Variants in RAET1E observed in about 807,000 individuals in gnomAD.
RAET1E encodes retinoic acid early transcript 1E.
In RAET1E, 27 loss-of-function variants were observed where a neutral mutation model predicts 21.1. The ratio of observed to expected loss-of-function variants is 1.28; its 90% CI spans 0.94 to 1.76. The LOEUF is 1.76. Ranked by LOEUF, RAET1E falls within the 40% of genes most tolerant of loss-of-function variation. The pLI, the probability that RAET1E is intolerant of heterozygous loss-of-function variation, is 0.00. For missense variants in RAET1E, 310 were observed against 311.3 expected (o/e 1.00, Z 0.03); for synonymous variants, 113 against 115.0 (o/e 0.98, Z 0.11).
intron 3 of RAET1E, 91 bp downstream of exon 3, chr6:149,890,726 G>A: frequency 1.2e-6 from 1 of 853,678 alleles, no homozygotes; most frequent in South Asian, 1.4e-5. Context: ...GCACCCACTT[G>A]TCTGAAGCCT....
chr6:149,894,670 T>G (rs1778043650), intron 2 of RAET1E, among the ~76,000 whole-genome samples: 1 of 152,162 alleles, frequency 6.6e-6, no homozygotes, highest in Non-Finnish European at 1.5e-5. Context: ...AATTAGCAAT[T>G]CGACTAACCT....
chr6:149,891,090 A>C (rs1458314198), intron 2 of RAET1E, 56 bp from the exon 3 acceptor site: 11 of 528,710 alleles, frequency 2.1e-5, no homozygotes, highest in Non-Finnish European at 3.7e-5. Context: ...CCAAGTATTC[A>C]GAATATAATC....
chr6:149,893,198 C>A (rs1319257462), intron 2 of RAET1E, among the ~76,000 whole-genome samples: 4 of 152,144 alleles, frequency 2.6e-5, no homozygotes, highest in Non-Finnish European at 5.9e-5. Context: ...CTTTTTGGTT[C>A]CATATGAAGT....
rs1777671689 is a variant in RAET1E, at chr6:149,887,793, A to C, written c.*705T>G. Reference sequence around the variant, plus strand: ...AGGTCTGCCTGGGTCAATTTAGAGAAGACACTATGAGGACAAAGACAGCAA... The same window carrying C: ...AGGTCTGCCTGGGTCAATTTAGAGACGACACTATGAGGACAAAGACAGCAA... On this transcript the variant is annotated 3_prime_UTR_variant, in exon 6 of 6. Coordinates refer to ENST00000357183, the MANE Select transcript of RAET1E (RefSeq NM_001394057.1). Among the ~76,000 whole-genome samples the C allele has an allele frequency of 6.6e-6, 1 of 152,202 alleles. No individual in the cohort carries two copies. Among genetic ancestry groups the C allele is most frequent in the African/African-American group, 2.4e-5 (1 of 41,442 alleles).
In RAET1E at chr6:149,889,935, C is replaced by T. The variant is rs61747261; in HGVS notation, c.296G>A (p.Arg99Gln). The change falls in exon 4 of 6, where the codon CGA (arginine) becomes CAA (glutamine). Residue 99 changes from arginine (R) to glutamine (Q), a missense_variant. Coordinates refer to ENST00000357183, the MANE Select transcript of RAET1E (RefSeq NM_001394057.1). ...ELTQTLGEVGRDLRMLLCDIK... is the reference protein window; with the variant it reads ...ELTQTLGEVGQDLRMLLCDIK... ...GTCACAAAGGAGCATCCTGAGGTCT[C>T]GCCCCACTTCTCCCAGCGTTTGGGT... 26,878 of 1,613,824 alleles carry T rather than the reference C, an allele frequency of 0.017. 360 individuals are homozygous for T. The highest frequency in any genetic ancestry group is 0.054 in the Admixed American group (3,235 of 60,002).
chr6:149,890,277 C>A (rs1385699026), intron 3 of RAET1E, 132 bp from the exon 4 acceptor site: 18 of 891,390 alleles, frequency 2.0e-5, no homozygotes, highest in Non-Finnish European at 2.9e-5. Flanking sequence ...CAGACTCCCT[C>A]AACCTTCTGG....
Position 149,890,020 on chromosome 6 carries a change from C to A in RAET1E, c.211G>T (p.Val71Phe). The change falls in exon 4 of 6, where the codon GTC (valine) becomes TTC (phenylalanine). Residue 71 changes from valine (V) to phenylalanine (F), a missense_variant. By Grantham distance (50) the Val-to-Phe change is conservative (BLOSUM62 -1). Transcript: ENST00000357183. ...FLQYNSDNNM[V>F]KPLGLLGKKV... Reference sequence around the variant, plus strand: ...TTCCCCAGGAGGCCCAGAGGTTTGACCATGTTGTTGTCACTGTTGTACTGA... The same window carrying A: ...TTCCCCAGGAGGCCCAGAGGTTTGAACATGTTGTTGTCACTGTTGTACTGA... The A allele has an allele frequency of 6.2e-7, 1 of 1,614,114 alleles. No individual in the cohort carries two copies. Among genetic ancestry groups the A allele is most frequent in the Non-Finnish European group, 8.5e-7 (1 of 1,180,028 alleles).
chr6:149,897,752 G>A (rs1778172808), intron 1 of RAET1E, among the ~76,000 whole-genome samples: 1 of 152,070 alleles, frequency 6.6e-6, no homozygotes, highest in Admixed American at 6.5e-5. Context: ...TTGGAGAGAG[G>A]GGCGATTGGG....
chr6:149,897,598 G>A (rs1778165772), intron 1 of RAET1E, among the ~76,000 whole-genome samples: 1 of 152,152 alleles, frequency 6.6e-6, no homozygotes, highest in Admixed American at 6.5e-5. Flanking sequence ...TCAACACTCA[G>A]GCTAGGAATG....
Position 149,888,568 on chromosome 6 carries a change from A to G in RAET1E, c.722T>C (p.Ile241Thr), listed in dbSNP as rs185785793. 141 of 1,613,628 alleles carry G rather than the reference A, an allele frequency of 8.7e-5. 1 individual carries two copies. The East Asian group carries it at 2.7e-3, about 31-fold the overall frequency. Residue 241 changes from isoleucine to threonine, a missense_variant, in exon 6 of 6, where the codon ATT becomes ACT. By Grantham distance (89) the Ile-to-Thr change is moderately conservative. Coordinates refer to ENST00000357183, the MANE Select transcript of RAET1E (RefSeq NM_001394057.1). ...GAFILLVLMG[I>T]VLICVWWQNG... is the part of the protein sequence containing the mutation. Reference sequence around the variant, plus strand: ...TTGCCACCAGACACAGATGAGAACAATTCCCATTAAAACTAACAGGATGAA... The same window carrying G: ...TTGCCACCAGACACAGATGAGAACAGTTCCCATTAAAACTAACAGGATGAA...
chr6:149,896,663 T>TGTGC (rs1778128221), intron 1 of RAET1E, among the ~76,000 whole-genome samples: 2 of 151,946 alleles, frequency 1.3e-5, no homozygotes, highest in Admixed American at 1.3e-4. Context: ...TGTGTGTGTG[T>TGTGC]GTGCATGGGT....
intron 2 of RAET1E, among the ~76,000 whole-genome samples, chr6:149,892,560 T>A (rs1421111328): frequency 1.3e-5 from 2 of 152,230 alleles, no homozygotes; most frequent in African/African-American, 2.4e-5. Flanking sequence ...GGGTTGTTTT[T>A]TTTCTAGTAA....
intron 3 of RAET1E, 155 bp from the exon 4 acceptor site, chr6:149,890,300 A>G (rs1004345411): frequency 4.0e-6 from 3 of 741,260 alleles, no homozygotes; most frequent in Admixed American, 5.6e-5. Flanking sequence ...CCCTGTTCCC[A>G]TCTCTCCCTG....
chr6:149,888,316 C>T lies in RAET1E; in HGVS notation c.*182G>A. 2.6e-6 allele frequency: 2 copies of T among 782,192 alleles called. No homozygotes were observed. The highest frequency in any genetic ancestry group is 4.3e-6 in the Non-Finnish European group (2 of 469,372). 48.5% of individuals were successfully genotyped at this position (782,192 alleles called of 1,614,324 possible). On this transcript the variant is annotated 3_prime_UTR_variant, in exon 6 of 6. Transcript: ENST00000357183. ...CAGGCGTTCCAGATCTTTGACCTTG[C>T]CCCTCCTCGAGAGGAGATGATTGCT...
At chr6:149,891,913 G>A (rs533661979) in intron 2 of RAET1E, among the ~76,000 whole-genome samples, 4 of 152,054 alleles carry the variant, frequency 2.6e-5, no homozygotes, top group Non-Finnish European at 4.4e-5. Flanking sequence ...GGTGTGTGAT[G>A]TTCCCCTCCC....
At position 149,898,087 on chromosome 6, in the gene RAET1E, T is replaced by G. The variant is rs1371291237; in HGVS notation, c.-387A>C. The G allele has an allele frequency of 6.6e-6, 1 of 152,158 alleles. No individual in the cohort carries two copies. Among genetic ancestry groups the G allele is most frequent in the Non-Finnish European group, 1.5e-5 (1 of 68,032 alleles). The allele number at this position is 152,158 out of a possible 1,614,324, so 9.4% of individuals were successfully genotyped here. A position where few individuals can be genotyped will look rare whatever the true frequency, so the allele number is the denominator to read the frequency against. On this transcript the variant is annotated 5_prime_UTR_variant, in exon 1 of 6. Coordinates refer to ENST00000357183, the MANE Select transcript of RAET1E (RefSeq NM_001394057.1). ...GATGGAGAGGCCTGAGGTGACTGCT[T>G]CCTCAGAGTCTCTGTGCAAACTCTC...
rs148391603 is a variant in RAET1E, at chr6:149,897,317, G to C, written c.-321+704C>G. 4.9e-3 allele frequency among the ~76,000 whole-genome samples: 739 copies of C among 152,288 alleles called. 4 individuals carry two copies. Among genetic ancestry groups the C allele is most frequent in the African/African-American group, 0.017 (706 of 41,558 alleles). On this transcript the variant is annotated intron_variant, in intron 1 of 5. Coordinates refer to ENST00000357183, the MANE Select transcript of RAET1E (RefSeq NM_001394057.1). Reference sequence around the variant, plus strand: ...CCCAAAGTGTTGGGATTACAGGAGTGAGCCACCACACCCGGCTGAAATGGA... The same window carrying C: ...CCCAAAGTGTTGGGATTACAGGAGTCAGCCACCACACCCGGCTGAAATGGA...
At chr6:149,894,429 G>C (rs1778034297) in intron 2 of RAET1E, among the ~76,000 whole-genome samples, 1 of 151,970 alleles carries the variant, frequency 6.6e-6, no homozygotes, top group African/African-American at 2.4e-5. Flanking sequence ...ATGTAGATTT[G>C]GTCTTTTCAC....
rs780587762 is a variant in RAET1E at position 149,884,520 on chromosome 6, A to G, written c.*3978T>C. On this transcript the variant is annotated 3_prime_UTR_variant, in exon 6 of 6. Transcript: ENST00000357183. Reference sequence around the variant, plus strand: ...GATCTTCTGCCTTTAGGAAGGAGACAAAAGAGTGCAGAACCCTGGGTCAGA... The same window carrying G: ...GATCTTCTGCCTTTAGGAAGGAGACGAAAGAGTGCAGAACCCTGGGTCAGA... 11 of 1,535,692 alleles carry G rather than the reference A, an allele frequency of 7.2e-6. No homozygotes were observed. The Middle Eastern group carries it at 1.2e-3, about 163-fold the overall frequency.
Sources: gnomAD v4.1 joint callset for allele counts (sites outside exome capture counted in the v4.1 genomes callset) on GRCh38, gnomAD v4.1.1 for gene constraint, MANE v1.5 for transcripts, NCBI Gene and HGNC (gene_info 2026-07-23, HGNC 2026-07-21) for gene names.